Variants in CDKL1 observed in about 807,000 individuals in gnomAD.
The protein encoded by CDKL1 is cyclin dependent kinase like 1, also known as cyclin-dependent kinase-like 1.
A neutral mutation model predicts 42.0 loss-of-function variants in CDKL1; 41 were observed. The observed-to-expected ratio is 0.98, with a 90% CI of 0.76 to 1.27. CDKL1 has a LOEUF of 1.27. Among genes scored for constraint, CDKL1 ranks in the 50% most tolerant of loss-of-function variants. The probability of loss-of-function intolerance (pLI) is 0.00; values close to 1 mark genes in which losing one functional copy is unlikely to be tolerated. For missense variants in CDKL1, 394 were observed against 428.4 expected (o/e 0.92, Z 0.71); for synonymous variants, 153 against 158.6 (o/e 0.96, Z 0.26).
At chr14:50,346,391 C>T (rs570131888) in intron 3 of CDKL1, among the ~76,000 whole-genome samples, 2 of 151,780 alleles carry the variant, frequency 1.3e-5, no homozygotes, top group Non-Finnish European at 2.9e-5. Flanking sequence ...AAGTCACTGT[C>T]GAGAAAAAAG....
rs952036361 is a variant in CDKL1 at position 50,329,849 on chromosome 14, G to A, written c.*225C>T. ...GCTACTTACATAAACTGAAATACAA[G>A]TGCAACTCCAAACAGGTTTTTTCTT... On this transcript the variant is annotated 3_prime_UTR_variant, in exon 10 of 10. Transcript: ENST00000395834. 1.4e-5 allele frequency: 7 copies of A among 496,306 alleles called. No homozygotes were observed. The highest frequency in any genetic ancestry group is 2.1e-5 in the Non-Finnish European group (6 of 285,728). 30.7% of individuals were successfully genotyped at this position (496,306 alleles called of 1,614,324 possible). A position where few individuals can be genotyped will look rare whatever the true frequency, so the allele number is the denominator to read the frequency against.
At chr14:50,364,235 C>A (rs1026202844) in intron 2 of CDKL1, among the ~76,000 whole-genome samples, 1 of 152,158 alleles carries the variant, frequency 6.6e-6, no homozygotes, top group Non-Finnish European at 1.5e-5. Context: ...TTTGGGAGGC[C>A]AAGGCAGGCG....
intron 2 of CDKL1, among the ~76,000 whole-genome samples, chr14:50,379,899 G>C (rs2034853234): frequency 6.6e-6 from 1 of 152,218 alleles, no homozygotes; most frequent in African/African-American, 2.4e-5. Flanking sequence ...ACTGGGAAAG[G>C]AAAATACTCA....
At chr14:50,372,838 A>T (rs1471778499) in intron 2 of CDKL1, among the ~76,000 whole-genome samples, 1 of 151,708 alleles carries the variant, frequency 6.6e-6, no homozygotes, top group Non-Finnish European at 1.5e-5. Context: ...TCAATTGACC[A>T]TTCAGGTGTG....
At chr14:50,350,466 T>C (rs1261368301) in intron 3 of CDKL1, among the ~76,000 whole-genome samples, 3 of 152,230 alleles carry the variant, frequency 2.0e-5, no homozygotes, top group Non-Finnish European at 2.9e-5. Flanking sequence ...CCTTAATCTA[T>C]GAGAGAAGAA....
intron 4 of CDKL1, among the ~76,000 whole-genome samples, chr14:50,344,120 A>G (rs1448075637): frequency 6.6e-6 from 1 of 152,236 alleles, no homozygotes; most frequent in East Asian, 1.9e-4. Flanking sequence ...ATGGGGCAGC[A>G]GGCTTCCCAG....
intron 2 of CDKL1, among the ~76,000 whole-genome samples, chr14:50,391,256 G>A (rs907327748): frequency 2.6e-5 from 4 of 152,152 alleles, no homozygotes; most frequent in Admixed American, 6.5e-5. Flanking sequence ...CCTGAGTTAC[G>A]GAAAGGAGTT....
Position 50,396,321 on chromosome 14 carries a change from G to C in CDKL1, c.-453C>G. On this transcript the variant is annotated 5_prime_UTR_variant, in exon 2 of 10. Coordinates refer to ENST00000395834, the MANE Select transcript of CDKL1 (RefSeq NM_004196.7). ...GAGCCCCACCCAACGATGAGTGTTT[G>C]TCACGGTCCTAGAACAGAACAGCAC... 1 of 1,008,428 alleles carries C rather than the reference G, an allele frequency of 9.9e-7. No individual in the cohort carries two copies. Among genetic ancestry groups the C allele is most frequent in the African/African-American group, 1.7e-5 (1 of 57,402 alleles). 62.5% of individuals were successfully genotyped at this position (1,008,428 alleles called of 1,614,324 possible).
chr14:50,392,669 T>A (rs977439506), intron 2 of CDKL1, among the ~76,000 whole-genome samples: 44 of 151,894 alleles, frequency 2.9e-4, no homozygotes, highest in African/African-American at 1.1e-3. Context: ...TTAAATACCA[T>A]CGATATGCTT....
At chr14:50,343,155 C>CTTTTTTTTTTTTTTTTTTTTTTTTTTTTT (rs3049935) in intron 4 of CDKL1, 1 of 258,112 alleles carries the variant, frequency 3.9e-6, no homozygotes, top group African/African-American at 3.0e-5. Context: ...TTAAGAGTTA[C>CTTTTTTTTTTTTTTTTTTTTTTTTTTTTT]TTTTTTTTTT....
intron 5 of CDKL1, among the ~76,000 whole-genome samples, chr14:50,341,573 G>C (rs1223326718): frequency 1.3e-5 from 2 of 151,762 alleles, no homozygotes; most frequent in Admixed American, 1.3e-4. Flanking sequence ...CAGCCCAGGA[G>C]TTCGAGACCA....
rs1400012026 is a variant in CDKL1, at chr14:50,357,947, A to G, written c.290+1081T>C. 20 of 646,302 alleles carry G rather than the reference A, an allele frequency of 3.1e-5. No homozygotes were observed. The Admixed American group carries it at 4.5e-4, about 14-fold the overall frequency. The allele number at this position is 646,302 out of a possible 1,614,324, so 40.0% of individuals were successfully genotyped here. On this transcript the variant is annotated intron_variant, in intron 3 of 9. Coordinates refer to ENST00000395834, the MANE Select transcript of CDKL1 (RefSeq NM_004196.7). ...TAGGGCTGGGAGAGAGTGAGAAAGAACAGCCACTACCTACGTTGCCCTGCC... is the reference window on the plus strand; with the variant it reads ...TAGGGCTGGGAGAGAGTGAGAAAGAGCAGCCACTACCTACGTTGCCCTGCC...
chr14:50,362,319 C>T, intron 2 of CDKL1: 1 of 343,866 alleles, frequency 2.9e-6, no homozygotes, highest in Non-Finnish European at 5.8e-6. Context: ...CCACCTGTGG[C>T]CTGGTGTGGG....
chr14:50,381,039 G>A (rs1203375032), intron 2 of CDKL1, among the ~76,000 whole-genome samples: 1 of 152,098 alleles, frequency 6.6e-6, no homozygotes, highest in Non-Finnish European at 1.5e-5. Flanking sequence ...GCTCCTGGTG[G>A]GTGTCTTTGG....
At chr14:50,335,393 C>G (rs1343467751) in intron 7 of CDKL1, 3 of 1,205,336 alleles carry the variant, frequency 2.5e-6, no homozygotes, top group African/African-American at 3.0e-5. Context: ...TGAACAGATG[C>G]TTCTTGATTT....
rs756937598 is a variant in CDKL1 at position 50,343,056 on chromosome 14, G to A, written c.364-834C>T. The A allele has an allele frequency of 5.5e-5, 73 of 1,324,590 alleles. No individual in the cohort carries two copies. In the South Asian group the frequency reaches 8.7e-4, roughly 16 times the overall value. The allele number at this position is 1,324,590 out of a possible 1,614,324, so 82.1% of individuals were successfully genotyped here. ...CACAGCCAACATTCTTAAACAGGGT[G>A]ATCTTAGAGAAAAGAACGTTTGAGA... is the stretch of plus-strand genomic sequence containing the variant. On this transcript the variant is annotated intron_variant, in intron 4 of 9. Transcript: ENST00000395834.
intron 4 of CDKL1, chr14:50,342,461 G>T: frequency 1.6e-6 from 2 of 1,282,918 alleles, no homozygotes; most frequent in East Asian, 3.1e-5. Flanking sequence ...ATGAAAGTAG[G>T]GTAGCCGGTC....
At chr14:50,380,645 C>T (rs1399054342) in intron 2 of CDKL1, among the ~76,000 whole-genome samples, 1 of 152,216 alleles carries the variant, frequency 6.6e-6, no homozygotes, top group Non-Finnish European at 1.5e-5. Context: ...GTATTGATGA[C>T]ATCATGTTAA....
chr14:50,392,451 G>A (rs1865361952), intron 2 of CDKL1, among the ~76,000 whole-genome samples: 1 of 81,534 alleles, frequency 1.2e-5, no homozygotes, highest in South Asian at 3.7e-4. Flanking sequence ...CTCCAAAAAA[G>A]AAATAATAAT....
Sources: allele counts gnomAD v4.1 joint callset (sites outside exome capture counted in the v4.1 genomes callset), GRCh38; gene constraint gnomAD v4.1.1; transcripts MANE v1.5; gene names NCBI Gene and HGNC (gene_info 2026-07-23, HGNC 2026-07-21).